TMEM132B: variants seen among roughly 807,000 people sequenced by gnomAD.
TMEM132B encodes the protein transmembrane protein 132B.
TMEM132B carries 18 observed loss-of-function variants against 90.8 expected under a neutral mutation model. The observed-to-expected ratio is 0.20, with a 90% CI of 0.14 to 0.29. The LOEUF is 0.29. Among genes scored for constraint, TMEM132B ranks in the 10% least tolerant of loss-of-function variants. The pLI, the probability that TMEM132B is intolerant of heterozygous loss-of-function variation, is 1.00. For missense variants in TMEM132B, 1,096 were observed against 1,326.8 expected (o/e 0.83, Z 2.70); for synonymous variants, 504 against 523.3 (o/e 0.96, Z 0.50).
intron 4 of TMEM132B, among the ~76,000 whole-genome samples, chr12:125,525,872 A>G (rs1883440050): frequency 6.6e-6 from 1 of 152,168 alleles, no homozygotes; most frequent in Admixed American, 6.5e-5. Flanking sequence ...ATTGGCCTAA[A>G]CCATCACGAT....
intron 1 of TMEM132B, among the ~76,000 whole-genome samples, chr12:125,223,707 C>T (rs1593046842): frequency 1.3e-5 from 2 of 152,200 alleles, no homozygotes; most frequent in East Asian, 3.9e-4. Context: ...CTTTCTGTAC[C>T]TGCAAATTTG....
At chr12:125,517,337 T>G (rs1262271803) in intron 3 of TMEM132B, among the ~76,000 whole-genome samples, 3 of 35,468 alleles carry the variant, frequency 8.5e-5, no homozygotes, top group South Asian at 1.2e-3. Context: ...ATTTTTTTTT[T>G]TTTTTTTTTT....
At chr12:125,573,269 C>A (rs906278817) in intron 4 of TMEM132B, among the ~76,000 whole-genome samples, 1 of 152,144 alleles carries the variant, frequency 6.6e-6, no homozygotes, top group African/African-American at 2.4e-5. Flanking sequence ...TAGGTAGACA[C>A]ATGTATGTCC....
chr12:125,505,667 A>C (rs994033797), intron 3 of TMEM132B, among the ~76,000 whole-genome samples: 1 of 151,950 alleles, frequency 6.6e-6, no homozygotes, highest in South Asian at 2.1e-4. Context: ...CACTGTGCTC[A>C]AGCTTGGGCG....
intron 1 of TMEM132B, among the ~76,000 whole-genome samples, chr12:125,254,162 G>A (rs902515077): frequency 1.1e-4 from 16 of 152,132 alleles, no homozygotes; most frequent in Non-Finnish European, 2.2e-4. Context: ...TGTGGTGCAT[G>A]TCTGTGGTCC....
At chr12:125,609,360 G>A (rs1434863172) in intron 5 of TMEM132B, among the ~76,000 whole-genome samples, 2 of 152,198 alleles carry the variant, frequency 1.3e-5, no homozygotes, top group East Asian at 3.9e-4. Flanking sequence ...TTTCAACTTT[G>A]TTCTTTTTCA....
At chr12:125,616,044 C>T (rs997619605) in intron 5 of TMEM132B, among the ~76,000 whole-genome samples, 5 of 151,774 alleles carry the variant, frequency 3.3e-5, no homozygotes, top group African/African-American at 4.8e-5. Context: ...TCCATTAACT[C>T]GTCATTTAAC....
intron 1 of TMEM132B, among the ~76,000 whole-genome samples, chr12:125,218,672 C>G (rs1873491639): frequency 6.6e-6 from 1 of 151,942 alleles, no homozygotes; most frequent in Admixed American, 6.6e-5. Flanking sequence ...ACCCAGGATC[C>G]CACCATGAAC....
rs187030946 is a variant in TMEM132B at position 125,227,390 on chromosome 12, C to T, written c.67+40524C>T. On this transcript the variant is annotated intron_variant, in intron 1 of 8. Coordinates refer to ENST00000682704, the MANE Select transcript of TMEM132B (RefSeq NM_001366854.1). ...AATGAGGCACAGAGAGGTTGAAGAG[C>T]TTAGTCAAGGACACACAGCTCCAGG... 4.1e-3 allele frequency among the ~76,000 whole-genome samples: 626 copies of T among 152,254 alleles called. 4 individuals carry two copies. Among genetic ancestry groups the T allele is most frequent in the Middle Eastern group, 0.02 (6 of 294 alleles).
chr12:125,650,703 A>G lies in TMEM132B; in HGVS notation c.1664A>G (p.Asp555Gly). Residue 555 changes from aspartate (D) to glycine (G), a missense_variant, in exon 7 of 9, where the codon GAC (aspartate) becomes GGC (glycine). Physicochemically the swap from Asp to Gly is moderately conservative, Grantham distance 94. Coordinates refer to ENST00000682704, the MANE Select transcript of TMEM132B (RefSeq NM_001366854.1). ...TCCAGGCCTACCCGGGAAAGCGATG[A>G]CGAGGACGATGAGGAGAAGAAGGGA... is the stretch of plus-strand genomic sequence containing the variant. ...ANRRPTRESD[D>G]EDDEEKKGRG... 6.2e-7 allele frequency: 1 copy of G among 1,608,994 alleles called. No homozygotes were observed. The highest frequency in any genetic ancestry group is 1.1e-5 in the South Asian group (1 of 91,034).
At chr12:125,234,238 A>C (rs1051647414) in intron 1 of TMEM132B, among the ~76,000 whole-genome samples, 4 of 152,020 alleles carry the variant, frequency 2.6e-5, no homozygotes, top group Non-Finnish European at 5.9e-5. Flanking sequence ...GCCTTTCCCC[A>C]CTTCCTGACT....
At chr12:125,237,353 C>T (rs1004830419) in intron 1 of TMEM132B, among the ~76,000 whole-genome samples, 3 of 152,174 alleles carry the variant, frequency 2.0e-5, no homozygotes, top group Non-Finnish European at 2.9e-5. Context: ...TTTCCTGCAC[C>T]GCCCCAGCCC....
intron 1 of TMEM132B, among the ~76,000 whole-genome samples, chr12:125,220,938 G>T (rs1873542955): frequency 1.3e-5 from 2 of 152,240 alleles, no homozygotes; most frequent in Admixed American, 1.3e-4. Context: ...GAGAGGCCCA[G>T]CACCCATTTG....
chr12:125,325,429 G>A (rs908722205), intron 1 of TMEM132B, among the ~76,000 whole-genome samples: 5 of 152,204 alleles, frequency 3.3e-5, no homozygotes, highest in African/African-American at 1.2e-4. Context: ...CTGTTTGGAA[G>A]TAATGACAAT....
chr12:125,371,909 T>G (rs1263253873), intron 2 of TMEM132B, among the ~76,000 whole-genome samples: 3 of 152,232 alleles, frequency 2.0e-5, no homozygotes, highest in Non-Finnish European at 4.4e-5. Context: ...CTCTGTTAGC[T>G]CTATTAAAAA....
At chr12:125,344,160 C>G (rs1877284580) in intron 1 of TMEM132B, among the ~76,000 whole-genome samples, 2 of 152,272 alleles carry the variant, frequency 1.3e-5, no homozygotes. Context: ...AGGCTAATTT[C>G]AGATGGTGAT....
At chr12:125,298,635 C>G (rs1390631227) in intron 1 of TMEM132B, among the ~76,000 whole-genome samples, 1 of 136,290 alleles carries the variant, frequency 7.3e-6, no homozygotes, top group East Asian at 2.3e-4. Flanking sequence ...GATCGCGTCA[C>G]TGCACTCCAG....
rs182630536 is a variant in TMEM132B at position 125,281,161 on chromosome 12, C to T, written c.68-68291C>T. Among the ~76,000 whole-genome samples the T allele has an allele frequency of 4.6e-5, 7 of 152,230 alleles. No homozygotes were observed. In the South Asian group the frequency reaches 1.2e-3, roughly 27 times the overall value. ...CCCTAGTGGGAAGAGTCACCCCTTC[C>T]AGCACCCAGGGGAGGGAGGAGGGAA... On this transcript the variant is annotated intron_variant, in intron 1 of 8. Transcript: ENST00000682704.
At chr12:125,338,331 G>A (rs73424725) in intron 1 of TMEM132B, among the ~76,000 whole-genome samples, 265 of 152,286 alleles carry the variant, frequency 1.7e-3, no homozygotes, top group African/African-American at 5.9e-3. Flanking sequence ...GTGTACCTTT[G>A]TTCCTCCTGG....
Sources: allele counts gnomAD v4.1 joint callset (sites outside exome capture counted in the v4.1 genomes callset), GRCh38; gene constraint gnomAD v4.1.1; transcripts MANE v1.5; gene names NCBI Gene and HGNC (gene_info 2026-07-23, HGNC 2026-07-21).